EYS: variants seen among roughly 807,000 people sequenced by gnomAD.
EYS encodes protein eyes shut homolog.
In EYS, 250 loss-of-function variants were observed where a neutral mutation model predicts 282.1. That is an observed-to-expected ratio of 0.89 (90% CI 0.80 to 0.98). The LOEUF (loss-of-function observed/expected upper bound fraction) is 0.98. Among genes scored for constraint, EYS ranks in the 50% least tolerant of loss-of-function variants. The probability of loss-of-function intolerance (pLI) is 0.00; values close to 1 mark genes in which losing one functional copy is unlikely to be tolerated. For synonymous variants in EYS, 1,355 were observed against 1,282.9 expected (o/e 1.06, Z -1.20); for missense variants, 4,016 against 3,709.0 (o/e 1.08, Z -2.15).
intron 28 of EYS, among the ~76,000 whole-genome samples, chr6:64,402,580 G>C (rs1739970625): frequency 6.6e-6 from 1 of 152,194 alleles, no homozygotes; most frequent in African/African-American, 2.4e-5. Flanking sequence ...GTTAGGATCA[G>C]ATCATTCGTT....
chr6:64,947,657 T>C (rs867594891), intron 14 of EYS, among the ~76,000 whole-genome samples: 13 of 151,116 alleles, frequency 8.6e-5, no homozygotes, highest in East Asian at 1.9e-4. Context: ...TTTTTTCTTT[T>C]TTTTTTTTTT....
chr6:65,288,966 C>A (rs1768446775), intron 12 of EYS, among the ~76,000 whole-genome samples: 1 of 150,348 alleles, frequency 6.7e-6, no homozygotes, highest in Admixed American at 6.7e-5. Context: ...GGAAATTGGA[C>A]AGACAAAATA....
In EYS at chr6:63,907,100, C is replaced by T. The variant is rs957816141; in HGVS notation, c.7056-42742G>A. ...GTTCTATTTCCATAACTGTGCTTCT[C>T]CTGCTGTGGCATGTAGACTTAGACT... On this transcript the variant is annotated intron_variant, in intron 35 of 42. Transcript: ENST00000503581. 7.2e-5 allele frequency among the ~76,000 whole-genome samples: 11 copies of T among 152,160 alleles called. No homozygotes were observed. In the South Asian group the frequency reaches 8.3e-4, roughly 11 times the overall value.
chr6:64,983,334 A>G (rs529494969), intron 14 of EYS, among the ~76,000 whole-genome samples: 38 of 151,406 alleles, frequency 2.5e-4, no homozygotes, highest in African/African-American at 8.9e-4. Flanking sequence ...AAAGATAGAT[A>G]ACTGCATTAT....
intron 22 of EYS, among the ~76,000 whole-genome samples, chr6:64,749,815 C>T (rs925209333): frequency 6.6e-6 from 1 of 151,862 alleles, no homozygotes; most frequent in Non-Finnish European, 1.5e-5. Context: ...GTCTTTTTTT[C>T]ATACATATTT....
At chr6:64,035,486 C>A (rs1770070685) in intron 33 of EYS, among the ~76,000 whole-genome samples, 2 of 152,162 alleles carry the variant, frequency 1.3e-5, no homozygotes, top group Non-Finnish European at 2.9e-5. Flanking sequence ...ATGAGGAAAT[C>A]AGAGCCAGGT....
chr6:65,132,671 A>G (rs1775912068), intron 12 of EYS, among the ~76,000 whole-genome samples: 1 of 152,056 alleles, frequency 6.6e-6, no homozygotes, highest in Non-Finnish European at 1.5e-5. Flanking sequence ...GCCATCTCTT[A>G]CCGCTTCTAT....
intron 12 of EYS, among the ~76,000 whole-genome samples, chr6:65,179,317 G>C (rs1244563262): frequency 2.0e-5 from 3 of 151,808 alleles, no homozygotes; most frequent in Non-Finnish European, 1.5e-5. Flanking sequence ...TAGACCTCTA[G>C]CAAGACTAAT....
At chr6:63,801,346 T>G (rs1176191976) in intron 37 of EYS, among the ~76,000 whole-genome samples, 1 of 151,872 alleles carries the variant, frequency 6.6e-6, no homozygotes, top group African/African-American at 2.4e-5. Flanking sequence ...GGGGATGAAA[T>G]GGAGAGAGAC....
chr6:65,555,451 T>A (rs1035090358), intron 2 of EYS, among the ~76,000 whole-genome samples: 1 of 152,126 alleles, frequency 6.6e-6, no homozygotes, highest in African/African-American at 2.4e-5. Context: ...TATATATTAG[T>A]TCATATTACT....
At chr6:64,657,332 T>A (rs909047648) in intron 22 of EYS, among the ~76,000 whole-genome samples, 1 of 152,212 alleles carries the variant, frequency 6.6e-6, no homozygotes, top group African/African-American at 2.4e-5. Context: ...TGTCTTTTAA[T>A]TGGAGCATTT....
intron 12 of EYS, among the ~76,000 whole-genome samples, chr6:65,127,757 T>C (rs1775761612): frequency 6.6e-6 from 1 of 152,084 alleles, no homozygotes; most frequent in African/African-American, 2.4e-5. Context: ...CATTTCTTCA[T>C]TTTCTTAGGC....
At chr6:64,827,038 G>A (rs2150025616) in intron 19 of EYS, among the ~76,000 whole-genome samples, 1 of 151,858 alleles carries the variant, frequency 6.6e-6, no homozygotes, top group South Asian at 2.1e-4. Flanking sequence ...CAACCGTGGA[G>A]TTTTTAAAAA....
At chr6:64,357,526 A>G (rs1231963366) in intron 29 of EYS, among the ~76,000 whole-genome samples, 1 of 151,610 alleles carries the variant, frequency 6.6e-6, no homozygotes, top group Non-Finnish European at 1.5e-5. Context: ...ATATCTGGCT[A>G]ACTTACCCTT....
intron 12 of EYS, among the ~76,000 whole-genome samples, chr6:65,274,658 C>T (rs559161071): frequency 1.3e-5 from 2 of 152,230 alleles, no homozygotes; most frequent in East Asian, 3.9e-4. Context: ...ATTACCTTTA[C>T]TTTCTATAAG....
In EYS at chr6:64,295,688, C is replaced by G. The variant is rs1459438518; in HGVS notation, c.6191+11282G>C. Among the ~76,000 whole-genome samples, 3 of 144,820 alleles carry G rather than the reference C, an allele frequency of 2.1e-5. 1 individual carries two copies. In the South Asian group the frequency reaches 7.3e-4, roughly 35 times the overall value. On this transcript the variant is annotated intron_variant, in intron 30 of 42. Transcript: ENST00000503581. ...AGCTTGCAGTGAGCTGAGATCGCGC[C>G]GCTGCACTCCAGCCTGGCTGACTGA...
At chr6:65,009,777 G>A (rs957542429) in intron 13 of EYS, among the ~76,000 whole-genome samples, 3 of 152,082 alleles carry the variant, frequency 2.0e-5, no homozygotes, top group Non-Finnish European at 4.4e-5. Context: ...CAAACAAAAG[G>A]CTCAGCTCTG....
intron 14 of EYS, among the ~76,000 whole-genome samples, chr6:64,946,726 T>G (rs1769297854): frequency 6.6e-6 from 1 of 151,900 alleles, no homozygotes; most frequent in South Asian, 2.1e-4. Flanking sequence ...CTAGTACCAT[T>G]TAAGATGTGC....
chr6:64,646,345 A>G (rs1217027707), intron 22 of EYS, among the ~76,000 whole-genome samples: 1 of 152,200 alleles, frequency 6.6e-6, no homozygotes, highest in Non-Finnish European at 1.5e-5. Flanking sequence ...TCAAAAGTGA[A>G]TCATTCATTG....
Sources: allele counts gnomAD v4.1 joint callset (sites outside exome capture counted in the v4.1 genomes callset), GRCh38; gene constraint gnomAD v4.1.1; transcripts MANE v1.5; gene names NCBI Gene and HGNC (gene_info 2026-07-23, HGNC 2026-07-21).